COBLL1: variants seen among roughly 807,000 people sequenced by gnomAD.
COBLL1 encodes the protein cordon-bleu protein-like 1.
In COBLL1, 50 loss-of-function variants were observed where a neutral mutation model predicts 94.8. The ratio of observed to expected loss-of-function variants is 0.53; its 90% CI spans 0.42 to 0.67. The LOEUF is 0.67. Among genes scored for constraint, COBLL1 ranks in the 30% least tolerant of loss-of-function variants. The pLI, the probability that COBLL1 is intolerant of heterozygous loss-of-function variation, is 0.00. For synonymous variants in COBLL1, 448 were observed against 473.8 expected, an observed-to-expected ratio of 0.95 and a Z score of 0.71; for missense variants, 1,362 against 1,348.7, an observed-to-expected ratio of 1.01 and a Z score of -0.15.
chr2:164,697,752 C>A (rs1350758868), intron 11 of COBLL1: 1 of 152,110 alleles, frequency 6.6e-6, no homozygotes, highest in African/African-American at 2.4e-5. Flanking sequence ...TTCTTCTCAA[C>A]ATTTCATGAT....
chr2:164,828,230 T>G (rs1685525745), intron 2 of COBLL1, among the ~76,000 whole-genome samples: 1 of 152,228 alleles, frequency 6.6e-6, no homozygotes, highest in African/African-American at 2.4e-5. Context: ...AAATACCACC[T>G]ATCCAATAAC....
intron 2 of COBLL1, among the ~76,000 whole-genome samples, chr2:164,809,061 T>C (rs1032164125): frequency 2.6e-5 from 4 of 152,116 alleles, no homozygotes; most frequent in Non-Finnish European, 5.9e-5. Context: ...ATATATGAAG[T>C]AGCTGAAATA....
At chr2:164,686,360 T>A (rs1490560714) in intron 13 of COBLL1, among the ~76,000 whole-genome samples, 1 of 152,128 alleles carries the variant, frequency 6.6e-6, no homozygotes, top group Non-Finnish European at 1.5e-5. Flanking sequence ...AATTCTGTAA[T>A]TCTGGCTCCC....
chr2:164,695,620 A>G lies in COBLL1; in HGVS notation c.1772T>C (p.Leu591Pro), dbSNP rs372845868. Residue 591 changes from leucine to proline, a missense_variant, in exon 12 of 14, where the codon CTG (leucine) becomes CCG (proline). By Grantham distance (98) the Leu-to-Pro change is moderately conservative. Coordinates refer to ENST00000652658, the MANE Select transcript of COBLL1 (RefSeq NM_001365672.2). ...TGTCTTTTCTGCACTGGGTTGATTC[A>G]GTTTTTGATCTGGTACTGATGAAGC... ...LAASSVPDQK[L>P]NQPSAEKTKD... 13 of 1,613,722 alleles carry G rather than the reference A, an allele frequency of 8.1e-6. No individual in the cohort carries two copies. Among genetic ancestry groups the G allele is most frequent in the South Asian group, 1.1e-5 (1 of 91,058 alleles).
chr2:164,766,659 C>A (rs1226085838), intron 2 of COBLL1, among the ~76,000 whole-genome samples: 4 of 152,158 alleles, frequency 2.6e-5, no homozygotes, highest in African/African-American at 9.7e-5. Flanking sequence ...TCAGGTATTT[C>A]TTTATAGCAG....
intron 2 of COBLL1, among the ~76,000 whole-genome samples, chr2:164,816,209 T>C (rs960145803): frequency 2.0e-5 from 3 of 151,946 alleles, no homozygotes; most frequent in South Asian, 2.1e-4. Context: ...ATGTGTGGAT[T>C]CCTCTGGGAA....
At chr2:164,742,388 A>G (rs1686647675) in intron 3 of COBLL1, among the ~76,000 whole-genome samples, 2 of 152,084 alleles carry the variant, frequency 1.3e-5, no homozygotes, top group South Asian at 4.1e-4. Context: ...AAAAAAAAAT[A>G]AAAAAGGAAT....
At chr2:164,828,310 GA>G (rs1230585076) in intron 2 of COBLL1, among the ~76,000 whole-genome samples, 1 of 152,104 alleles carries the variant, frequency 6.6e-6, no homozygotes, top group East Asian at 1.9e-4. Context: ...AAGGAATAAA[GA>G]ATATGGCCTT....
At chr2:164,760,488 C>A (rs1687625950) in intron 2 of COBLL1, among the ~76,000 whole-genome samples, 1 of 152,144 alleles carries the variant, frequency 6.6e-6, no homozygotes, top group South Asian at 2.1e-4. Flanking sequence ...TAAATCTACA[C>A]ATGTGGCAAA....
At chr2:164,668,884 T>C (rs1691205775) in intron 1 of COBLL1, among the ~76,000 whole-genome samples, 1 of 152,254 alleles carries the variant, frequency 6.6e-6, no homozygotes, top group Non-Finnish European at 1.5e-5. Flanking sequence ...CTTTTTTCTT[T>C]TTAATTATTG....
chr2:164,734,581 A>G (rs1356154995), intron 3 of COBLL1, among the ~76,000 whole-genome samples: 6 of 152,220 alleles, frequency 3.9e-5, no homozygotes, highest in Admixed American at 3.3e-4. Context: ...AGGAGCAGCT[A>G]CAAGGTTATT....
chr2:164,775,107 GAC>G (rs1688399463), intron 2 of COBLL1, among the ~76,000 whole-genome samples: 1 of 151,736 alleles, frequency 6.6e-6, no homozygotes, highest in Non-Finnish European at 1.5e-5. Flanking sequence ...AGTGAGCTGA[GAC>G]TGTGCCACTG....
chr2:164,680,376 T>C lies in COBLL1; in HGVS notation c.*5570A>G, dbSNP rs888999177. 6.6e-6 allele frequency: 1 copy of C among 152,090 alleles called. No individual in the cohort carries two copies. Among genetic ancestry groups the C allele is most frequent in the Non-Finnish European group, 1.5e-5 (1 of 68,002 alleles). 9.4% of individuals were successfully genotyped at this position (152,090 alleles called of 1,614,324 possible). On this transcript the variant is annotated 3_prime_UTR_variant, in exon 14 of 14. Transcript: ENST00000652658. ...CCTAAGTATATTATTTTCTGATCCC[T>C]TGAAGGTATCCAAAACCCACCAACA...
intron 2 of COBLL1, among the ~76,000 whole-genome samples, chr2:164,773,985 T>C (rs1232989520): frequency 1.3e-5 from 2 of 152,210 alleles, no homozygotes; most frequent in Non-Finnish European, 2.9e-5. Context: ...AGCAGCTTCT[T>C]ATCAAGCAAT....
chr2:164,669,227 A>G (rs927316766), intron 1 of COBLL1, among the ~76,000 whole-genome samples: 4 of 152,246 alleles, frequency 2.6e-5, no homozygotes, highest in African/African-American at 4.8e-5. Flanking sequence ...TTTTCATTCA[A>G]TAGCCTTTGT....
intron 2 of COBLL1, among the ~76,000 whole-genome samples, chr2:164,830,496 C>CAT (rs961829835): frequency 2.0e-5 from 3 of 152,170 alleles, no homozygotes; most frequent in African/African-American, 4.8e-5. Context: ...TTGCACCCCA[C>CAT]ATATATATAC....
Position 164,699,491 on chromosome 2 carries a change from T to C in COBLL1, c.1469A>G (p.His490Arg), listed in dbSNP as rs1244775203. ...ETKSTDGQEP[H>R]SVVYDTSNGK... ...ATTGCTTGTATCATATACTACACTG[T>C]GTGGTTCTCTGGAAGATACGACATT... The change falls in exon 11 of 14, where the codon CAC (histidine) becomes CGC (arginine). Residue 490 changes from histidine to arginine, a missense_variant. By Grantham distance (29) the His-to-Arg change is conservative (BLOSUM62 0). Coordinates refer to ENST00000652658, the MANE Select transcript of COBLL1 (RefSeq NM_001365672.2). 1.2e-6 allele frequency: 2 copies of C among 1,603,808 alleles called. No individual in the cohort carries two copies. The highest frequency in any genetic ancestry group is 3.3e-5 in the Admixed American group (2 of 59,932).
At chr2:164,730,518 C>A (rs988027864) in intron 3 of COBLL1, among the ~76,000 whole-genome samples, 1 of 151,462 alleles carries the variant, frequency 6.6e-6, no homozygotes, top group African/African-American at 2.4e-5. Flanking sequence ...ACAATAAAAA[C>A]AACAACAACA....
At chr2:164,726,286 T>C (rs1685720097) in intron 5 of COBLL1, among the ~76,000 whole-genome samples, 1 of 152,142 alleles carries the variant, frequency 6.6e-6, no homozygotes, top group Non-Finnish European at 1.5e-5. Context: ...CTCCTATTAT[T>C]ATAGAAGTAG....
Sources: allele counts gnomAD v4.1 joint callset (sites outside exome capture counted in the v4.1 genomes callset), GRCh38; gene constraint gnomAD v4.1.1; transcripts MANE v1.5; gene names NCBI Gene and HGNC (gene_info 2026-07-23, HGNC 2026-07-21).